PPP4R2: variants seen among roughly 807,000 people sequenced by gnomAD.
PPP4R2 encodes the protein protein phosphatase 4 regulatory subunit 2.
Under a neutral mutation model 47.2 loss-of-function variants are expected in PPP4R2, and 13 were observed. The ratio of observed to expected loss-of-function variants is 0.28; its 90% CI spans 0.18 to 0.44. PPP4R2 has a LOEUF of 0.44. Ranked by LOEUF, PPP4R2 falls within the 20% of genes least tolerant of loss-of-function variation. The pLI is 1.00. For missense variants in PPP4R2, 421 were observed against 491.2 expected (o/e 0.86, Z 1.35); for synonymous variants, 151 against 163.3 (o/e 0.92, Z 0.57).
chr3:73,005,404 T>C (rs1226325844), intron 2 of PPP4R2, among the ~76,000 whole-genome samples: 3 of 151,966 alleles, frequency 2.0e-5, no homozygotes, highest in African/African-American at 7.2e-5. Context: ...AATTTTTAAA[T>C]TTTTAAAAAA....
chr3:73,036,187 C>T (rs1260470412), intron 2 of PPP4R2, among the ~76,000 whole-genome samples: 1 of 151,964 alleles, frequency 6.6e-6, no homozygotes, highest in African/African-American at 2.4e-5. Flanking sequence ...TATGTTGGAG[C>T]TAAAAAAGTT....
intron 2 of PPP4R2, among the ~76,000 whole-genome samples, chr3:73,001,741 C>T (rs563279230): frequency 1.3e-5 from 2 of 152,010 alleles, no homozygotes; most frequent in African/African-American, 4.8e-5. Flanking sequence ...TGAGTTCAAG[C>T]GATTCTCCTG....
At position 72,996,918 on chromosome 3, in the gene PPP4R2, C is replaced by T. The variant is rs1054156793; in HGVS notation, c.-120C>T. On this transcript the variant is annotated 5_prime_UTR_variant, in exon 1 of 9. Transcript: ENST00000356692. ...GCTCCCTTCGTTTCCCCCCCCCGGTCGCCTGCGTGCCGGAGTGTGTGCGAG... is the reference window on the plus strand; with the variant it reads ...GCTCCCTTCGTTTCCCCCCCCCGGTTGCCTGCGTGCCGGAGTGTGTGCGAG... The T allele has an allele frequency of 9.5e-6, 6 of 633,902 alleles. No individual in the cohort carries two copies. Among genetic ancestry groups the T allele is most frequent in the Non-Finnish European group, 1.4e-5 (6 of 424,814 alleles). The allele number at this position is 633,902 out of a possible 1,614,324, so 39.3% of individuals were successfully genotyped here.
chr3:73,046,457 T>C (rs1323796206), intron 2 of PPP4R2, among the ~76,000 whole-genome samples: 2 of 152,236 alleles, frequency 1.3e-5, no homozygotes, highest in African/African-American at 4.8e-5. Flanking sequence ...TCCTGGAATT[T>C]ACACTATTCA....
rs141347866 is a variant in PPP4R2, at chr3:72,999,196, G to A, written c.116+1038G>A. ...CACCAGTCATTTTGAGAACGTCAGT[G>A]TGATGTGTTCAATGTTGTATTTCTA... On this transcript the variant is annotated intron_variant, in intron 2 of 8. Coordinates refer to ENST00000356692, the MANE Select transcript of PPP4R2 (RefSeq NM_174907.4). 2.7e-3 allele frequency among the ~76,000 whole-genome samples: 406 copies of A among 152,256 alleles called. 5 individuals carry two copies. The highest frequency in any genetic ancestry group is 4.4e-3 in the Non-Finnish European group (300 of 68,012).
chr3:73,033,157 A>G (rs1559557286), intron 2 of PPP4R2, among the ~76,000 whole-genome samples: 1 of 151,968 alleles, frequency 6.6e-6, no homozygotes, highest in African/African-American at 2.4e-5. Context: ...CACAATAACA[A>G]TTTTTTTTGT....
intron 2 of PPP4R2, among the ~76,000 whole-genome samples, chr3:73,009,263 G>A (rs1701675752): frequency 6.6e-6 from 1 of 152,188 alleles, no homozygotes; most frequent in South Asian, 2.1e-4. Flanking sequence ...AATGGGACAT[G>A]GTGATAGTGC....
intron 2 of PPP4R2, chr3:73,014,898 C>T (rs1321374032): frequency 3.1e-6 from 2 of 641,212 alleles, no homozygotes; most frequent in Non-Finnish European, 5.7e-6. Context: ...GAGATGGGGT[C>T]TTGCTGTGTT....
At chr3:73,039,209 G>A (rs758229087) in intron 2 of PPP4R2, among the ~76,000 whole-genome samples, 4 of 151,930 alleles carry the variant, frequency 2.6e-5, no homozygotes, top group Admixed American at 6.6e-5. Flanking sequence ...CTGCAACCTC[G>A]GCCTCCCAGG....
rs116661184 is a variant in PPP4R2, at chr3:73,045,451, T to C, written c.117-1735T>C. Among the ~76,000 whole-genome samples, 707 of 152,264 alleles carry C rather than the reference T, an allele frequency of 4.6e-3. 3 individuals are homozygous for C. The highest frequency in any genetic ancestry group is 0.016 in the African/African-American group (668 of 41,554). ...TCAAATTTTTATCATTGGTAACAAA[T>C]ACTGTCAGTTATTTATCTTGAAATG... On this transcript the variant is annotated intron_variant, in intron 2 of 8. Coordinates refer to ENST00000356692, the MANE Select transcript of PPP4R2 (RefSeq NM_174907.4).
chr3:73,033,178 T>C (rs4677233), intron 2 of PPP4R2, among the ~76,000 whole-genome samples: 80,216 of 152,046 alleles, frequency 0.53, 21,536 homozygotes, highest in African/African-American at 0.62. Context: ...TTTGTACTTT[T>C]AGTGTCTGAA....
intron 2 of PPP4R2, among the ~76,000 whole-genome samples, chr3:73,036,787 A>G (rs1289131616): frequency 6.6e-6 from 1 of 152,220 alleles, no homozygotes; most frequent in Non-Finnish European, 1.5e-5. Context: ...ACTCTGGGAT[A>G]TACTTTAAAG....
chr3:73,043,675 AATAG>A (rs751144498), intron 2 of PPP4R2, among the ~76,000 whole-genome samples: 5 of 152,182 alleles, frequency 3.3e-5, no homozygotes, highest in Non-Finnish European at 5.9e-5. Context: ...GCATTTCTCT[AATAG>A]ATAATAATGC....
At chr3:73,062,483 T>C (rs1702885218) in intron 5 of PPP4R2, 1 of 1,613,282 alleles carries the variant, frequency 6.2e-7, no homozygotes, top group Admixed American at 1.7e-5. Context: ...TCATATTTGA[T>C]GGGTTACACC....
chr3:73,054,401 A>G (rs1702686500), intron 3 of PPP4R2, among the ~76,000 whole-genome samples: 1 of 152,204 alleles, frequency 6.6e-6, no homozygotes, highest in African/African-American at 2.4e-5. Context: ...ACAGGATTCT[A>G]ATGGTATTTC....
rs56326971 is a variant in PPP4R2, at chr3:73,025,385, G to C, written c.117-21801G>C. Among the ~76,000 whole-genome samples, 1,008 of 152,146 alleles carry C rather than the reference G, an allele frequency of 6.6e-3. 8 individuals are homozygous for C. The highest frequency in any genetic ancestry group is 0.023 in the African/African-American group (946 of 41,492). On this transcript the variant is annotated intron_variant, in intron 2 of 8. Transcript: ENST00000356692. The stretch of plus-strand genomic sequence containing the variant: ...GTTCTATTATTGTGAGACGTTTATT[G>C]TTCTTACTAAGATCTTTGAATTGTT...
intron 2 of PPP4R2, among the ~76,000 whole-genome samples, chr3:73,029,546 G>A (rs988309282): frequency 2.7e-5 from 4 of 149,690 alleles, no homozygotes; most frequent in African/African-American, 1.0e-4. Flanking sequence ...CATCCGAAGT[G>A]TGGAATTTCA....
chr3:73,053,467 CAAATA>C (rs1019615133), intron 3 of PPP4R2, among the ~76,000 whole-genome samples: 7 of 152,038 alleles, frequency 4.6e-5, no homozygotes, highest in African/African-American at 1.7e-4. Flanking sequence ...ATATTTGATG[CAAATA>C]AAATAACAGT....
chr3:73,062,961 A>G (rs1056675857), intron 5 of PPP4R2: 5 of 1,418,930 alleles, frequency 3.5e-6, no homozygotes, highest in African/African-American at 2.9e-5. Context: ...AGATCAGTGC[A>G]TGGATGGCTC....
Sources: allele counts gnomAD v4.1 joint callset (sites outside exome capture counted in the v4.1 genomes callset), GRCh38; gene constraint gnomAD v4.1.1; transcripts MANE v1.5; gene names NCBI Gene and HGNC (gene_info 2026-07-23, HGNC 2026-07-21).